The following PKNOX2 variants were observed in gnomAD, a reference collection of about 807,000 sequenced individuals.
PKNOX2 encodes homeobox protein PKNOX2.
A neutral mutation model predicts 53.1 loss-of-function variants in PKNOX2; 14 were observed. The observed-to-expected ratio is 0.26, with a 90% CI of 0.17 to 0.41. PKNOX2 has a LOEUF of 0.41. Ranked by LOEUF, PKNOX2 falls within the 10% of genes least tolerant of loss-of-function variation. PKNOX2 has a pLI of 1.00. For missense variants in PKNOX2, 496 were observed against 602.8 expected, an observed-to-expected ratio of 0.82 and a Z score of 1.85; for synonymous variants, 257 against 242.8, an observed-to-expected ratio of 1.06 and a Z score of -0.54.
intron 1 of PKNOX2, among the ~76,000 whole-genome samples, chr11:125,204,425 C>T (rs1353669897): frequency 1.3e-5 from 2 of 152,182 alleles, no homozygotes; most frequent in South Asian, 2.1e-4. Flanking sequence ...GGTCCCTGGC[C>T]ACACTGTGAG....
chr11:125,384,094 C>T (rs1953449137), intron 5 of PKNOX2, among the ~76,000 whole-genome samples: 1 of 152,218 alleles, frequency 6.6e-6, no homozygotes, highest in African/African-American at 2.4e-5. Context: ...CATGCACTCG[C>T]ATGCACACAT....
At chr11:125,282,890 G>A (rs1332725774) in intron 2 of PKNOX2, among the ~76,000 whole-genome samples, 5 of 152,220 alleles carry the variant, frequency 3.3e-5, no homozygotes, top group Non-Finnish European at 4.4e-5. Context: ...GCTGGCCCAT[G>A]CCTGTAATCC....
chr11:125,229,006 G>A (rs926501051), intron 1 of PKNOX2, among the ~76,000 whole-genome samples: 6 of 152,164 alleles, frequency 3.9e-5, no homozygotes, highest in African/African-American at 1.4e-4. Context: ...GGCATTCCTG[G>A]GAAACTGCAG....
intron 1 of PKNOX2, among the ~76,000 whole-genome samples, chr11:125,170,543 G>A (rs986639703): frequency 6.6e-6 from 1 of 152,178 alleles, no homozygotes; most frequent in Non-Finnish European, 1.5e-5. Flanking sequence ...TTCATCTCAC[G>A]CGGTCAAGCA....
At chr11:125,379,182 T>C (rs1022208870) in intron 5 of PKNOX2, among the ~76,000 whole-genome samples, 2 of 151,650 alleles carry the variant, frequency 1.3e-5, no homozygotes, top group African/African-American at 4.8e-5. Context: ...TGCCTCAGCC[T>C]CCCGAGTAGC....
At position 125,333,549 on chromosome 11, in the gene PKNOX2, TACAC is replaced by T. The variant is rs57352759; in HGVS notation, c.-23+1653_-23+1656del. On this transcript the variant is annotated intron_variant, in intron 3 of 12. Transcript: ENST00000298282. ...CTCAGTCCCAAGACACACACACACA[TACAC>T]ACACACACACACACACACACACACA... Among the ~76,000 whole-genome samples, 1,198 of 142,286 alleles carry T rather than the reference TACAC, an allele frequency of 8.4e-3. 15 individuals are homozygous for T. The highest frequency in any genetic ancestry group is 0.026 in the African/African-American group (1,016 of 39,784). The allele number at this position is 142,286 out of a possible 152,430, so 93.3% of individuals were successfully genotyped here.
At chr11:125,232,082 C>G (rs972128466) in intron 1 of PKNOX2, among the ~76,000 whole-genome samples, 8 of 152,190 alleles carry the variant, frequency 5.3e-5, no homozygotes, top group Non-Finnish European at 1.5e-5. Flanking sequence ...TTATGTTGAA[C>G]TGCAGATTGG....
intron 1 of PKNOX2, among the ~76,000 whole-genome samples, chr11:125,174,781 T>C (rs887171328): frequency 6.6e-6 from 1 of 151,622 alleles, no homozygotes; most frequent in Admixed American, 6.6e-5. Context: ...CCTGGCAGAG[T>C]GGGAACTCAA....
intron 5 of PKNOX2, among the ~76,000 whole-genome samples, chr11:125,377,578 G>C (rs1952916326): frequency 6.6e-6 from 1 of 152,200 alleles, no homozygotes; most frequent in Non-Finnish European, 1.5e-5. Context: ...GGACAGTAGT[G>C]ACCATTCCAG....
At chr11:125,384,592 G>A (rs1173387090) in intron 5 of PKNOX2, among the ~76,000 whole-genome samples, 3 of 152,204 alleles carry the variant, frequency 2.0e-5, no homozygotes, top group Non-Finnish European at 4.4e-5. Flanking sequence ...GCTGAGACAG[G>A]AGAATGGCGT....
intron 2 of PKNOX2, among the ~76,000 whole-genome samples, chr11:125,259,480 T>C (rs1406063869): frequency 6.6e-6 from 1 of 152,168 alleles, no homozygotes; most frequent in Non-Finnish European, 1.5e-5. Flanking sequence ...GTTGGGTCTC[T>C]TTTCATTAGG....
intron 2 of PKNOX2, among the ~76,000 whole-genome samples, chr11:125,308,080 C>T (rs113327812): frequency 3.4e-4 from 51 of 152,190 alleles, no homozygotes; most frequent in African/African-American, 8.9e-4. Flanking sequence ...ACGAGAATTT[C>T]CCACAGATAT....
intron 1 of PKNOX2, among the ~76,000 whole-genome samples, chr11:125,197,949 G>A (rs1360137359): frequency 6.6e-6 from 1 of 152,232 alleles, no homozygotes; most frequent in East Asian, 1.9e-4. Flanking sequence ...GTCACTCCCT[G>A]CAAACCACAC....
chr11:125,351,152 T>G, intron 3 of PKNOX2, 132 bp from the exon 4 acceptor site: 1 of 694,106 alleles, frequency 1.4e-6, no homozygotes. Context: ...TTTGTTGCCC[T>G]GAAGGGCGTG....
intron 1 of PKNOX2, among the ~76,000 whole-genome samples, chr11:125,194,487 TCCTCACCCTGTGTCCTCACAGCAGGAC>T (rs1957068446): frequency 7.7e-6 from 1 of 130,714 alleles, no homozygotes; most frequent in African/African-American, 3.1e-5. Context: ...CACAGGAGGG[TCCTCACCCTGTGTCCTCACAGCAGGAC>T]CCTTATAGCT....
At chr11:125,261,870 A>T (rs1274524457) in intron 2 of PKNOX2, among the ~76,000 whole-genome samples, 1 of 152,280 alleles carries the variant, frequency 6.6e-6, no homozygotes, top group African/African-American at 2.4e-5. Flanking sequence ...GGCCCATTGC[A>T]GAGCCAGGTC....
chr11:125,278,942 G>T (rs1253902525), intron 2 of PKNOX2, among the ~76,000 whole-genome samples: 1 of 152,218 alleles, frequency 6.6e-6, no homozygotes, highest in African/African-American at 2.4e-5. Flanking sequence ...GGGTGGAGGT[G>T]CAGGAGGCTG....
At chr11:125,242,357 GCCCATCCA>G (rs1943224601) in intron 2 of PKNOX2, among the ~76,000 whole-genome samples, 1 of 152,136 alleles carries the variant, frequency 6.6e-6, no homozygotes, top group African/African-American at 2.4e-5. Context: ...ACCCCCACCT[GCCCATCCA>G]CCCATCCATC....
At chr11:125,405,122 A>C (rs568271024) in intron 7 of PKNOX2, among the ~76,000 whole-genome samples, 2 of 151,904 alleles carry the variant, frequency 1.3e-5, no homozygotes, top group African/African-American at 4.9e-5. Flanking sequence ...CCACCGACTC[A>C]CCGTCACCCA....
Sources: allele counts gnomAD v4.1 joint callset (sites outside exome capture counted in the v4.1 genomes callset), GRCh38; gene constraint gnomAD v4.1.1; transcripts MANE v1.5; gene names NCBI Gene and HGNC (gene_info 2026-07-23, HGNC 2026-07-21).